Variants in SIGLEC11 observed in about 807,000 individuals in gnomAD.
SIGLEC11 encodes the protein sialic acid binding Ig like lectin 11.
In SIGLEC11, 47 loss-of-function variants were observed where a neutral mutation model predicts 61.2. The ratio of observed to expected loss-of-function variants is 0.77; its 90% CI spans 0.61 to 0.98. The LOEUF (loss-of-function observed/expected upper bound fraction) is 0.98, where lower values mean the gene tolerates loss of function less well. Ranked by LOEUF, SIGLEC11 falls within the 50% of genes least tolerant of loss-of-function variation. SIGLEC11 has a pLI of 0.00. For missense variants in SIGLEC11, 610 were observed against 870.3 expected (o/e 0.70, Z 3.76); for synonymous variants, 278 against 373.1 (o/e 0.75, Z 2.94).
At position 49,955,314 on chromosome 19, in the gene SIGLEC11, C is replaced by CA. The variant is rs71180665; in HGVS notation, c.1652-2921dup. Among the ~76,000 whole-genome samples the CA allele has an allele frequency of 0.13, 13,279 of 102,416 alleles. 960 individuals carry two copies. Among genetic ancestry groups the CA allele is most frequent in the South Asian group, 0.37 (1,414 of 3,844 alleles). The allele number at this position is 102,416 out of a possible 152,430, so 67.2% of individuals were successfully genotyped here. ...CGGGGACTGGCCCCAGAAAAAAAGC[C>CA]AAAAAAAAAAAAAAAAAGAAAGGCA... is the stretch of plus-strand genomic sequence containing the variant. On this transcript the variant is annotated intron_variant, in intron 8 of 10. Transcript: ENST00000447370. This position sits in a 1 kb window ranked among gnomAD's most constrained non-coding sequence, Gnocchi z 4.5.
Position 49,960,774 on chromosome 19 carries a change from G to A in SIGLEC11, c.238C>T (p.Pro80Ser). 1 of 1,613,672 alleles carries A rather than the reference G, an allele frequency of 6.2e-7. No individual in the cohort carries two copies. Among genetic ancestry groups the A allele is most frequent in the Non-Finnish European group, 8.5e-7 (1 of 1,180,020 alleles). Residue 80 changes from proline to serine, a missense_variant, in exon 2 of 11, where the codon CCA becomes TCA. By Grantham distance (74) the Pro-to-Ser change is moderately conservative. Transcript: ENST00000447370. Reference protein sequence around the residue: ...YGYWFKGRTSPKTGAPVATNN... With the variant: ...YGYWFKGRTSSKTGAPVATNN... ...GTGGCCACAGGAGCACCCGTCTTTG[G>A]GCTGGTCCGTCCTTTGAACCAGTAG... is the stretch of plus-strand genomic sequence containing the variant.
chr19:49,953,017 C>T (rs1314424171), intron 8 of SIGLEC11, among the ~76,000 whole-genome samples: 3 of 152,178 alleles, frequency 2.0e-5, no homozygotes, highest in African/African-American at 2.4e-5. Flanking sequence ...TTCTCCGTAT[C>T]GGTCTCACCA....
rs1365757893 is a variant in SIGLEC11 at position 49,958,420 on chromosome 19, A to G, written c.1514T>C (p.Val505Ala). ...CCAGGGCCCGGCTGAGCTGGGGGTG[A>G]CCTCGAAGGAGCCCTGACTGCTGTT... ...EGNSSQGSFE[V>A]TPSSAGPWAN... Residue 505 changes from valine (V) to alanine (A), a missense_variant, in exon 8 of 11, where the codon GTC becomes GCC. This residue lies in a region of SIGLEC11 where 432 missense variants were observed against 441.5 expected (regional missense o/e 0.98). Transcript: ENST00000447370. 1.2e-6 allele frequency: 2 copies of G among 1,613,800 alleles called. No homozygotes were observed. Among genetic ancestry groups the G allele is most frequent in the African/African-American group, 2.7e-5 (2 of 74,920 alleles).
At chr19:49,956,772 A>G (rs1359941665) in intron 8 of SIGLEC11, among the ~76,000 whole-genome samples, 1 of 152,198 alleles carries the variant, frequency 6.6e-6, no homozygotes, top group Admixed American at 6.5e-5. Context: ...GCAGTACTTG[A>G]AATCATCACT....
At chr19:49,959,003 C>G in intron 6 of SIGLEC11, 27 bp downstream of exon 6, 2 of 1,613,712 alleles carry the variant, frequency 1.2e-6, no homozygotes, top group Non-Finnish European at 1.7e-6. Context: ...CACTGAGAGG[C>G]CCTGGCTCCT....
chr19:49,958,834 C>G lies in SIGLEC11; in HGVS notation c.1172G>C (p.Cys391Ser), dbSNP rs766335832. 1 of 1,611,980 alleles carries G rather than the reference C, an allele frequency of 6.2e-7. No homozygotes were observed. The highest frequency in any genetic ancestry group is 1.3e-5 in the African/African-American group (1 of 74,886). ...VLEGQSLRLV[C>S]VTHSSPPARL... is the part of the protein sequence containing the mutation. ...GGCTGGGGGGCTGCTGTGGGTGACA[C>G]AGACCAGGCGCAGGCTTTGGCCCTC... Residue 391 changes from cysteine to serine, a missense_variant, in exon 7 of 11, where the codon TGT becomes TCT. By Grantham distance (112) the Cys-to-Ser change is moderately radical. This residue lies in a region of SIGLEC11 where 432 missense variants were observed against 441.5 expected (regional missense o/e 0.98). Coordinates refer to ENST00000447370, the MANE Select transcript of SIGLEC11 (RefSeq NM_052884.3).
chr19:49,953,021 C>T (rs987951010), intron 8 of SIGLEC11, among the ~76,000 whole-genome samples: 1 of 152,206 alleles, frequency 6.6e-6, no homozygotes, highest in African/African-American at 2.4e-5. Context: ...CCGTATCGGT[C>T]TCACCAGTCC....
chr19:49,960,269 G>C lies in SIGLEC11; in HGVS notation c.613C>G (p.Pro205Ala). 6 of 1,594,712 alleles carry C rather than the reference G, an allele frequency of 3.8e-6. No individual in the cohort carries two copies. Among genetic ancestry groups the C allele is most frequent in the Non-Finnish European group, 5.1e-6 (6 of 1,169,438 alleles). Reference protein sequence around the residue: ...GAALSPRRTRPSTSHFSVLSF... With the variant: ...GAALSPRRTRASTSHFSVLSF... ...AGCACTGAGAAGTGGGAGGTGCTTG[G>C]TCTGGTTCTTCTAGGGGAGAGGGCA... The change falls in exon 3 of 11, where the codon CCA becomes GCA. Residue 205 changes from proline to alanine, a missense_variant. Coordinates refer to ENST00000447370, the MANE Select transcript of SIGLEC11 (RefSeq NM_052884.3).
At chr19:49,956,245 T>C (rs889195938) in intron 8 of SIGLEC11, among the ~76,000 whole-genome samples, 3 of 152,220 alleles carry the variant, frequency 2.0e-5, no homozygotes, top group African/African-American at 7.2e-5. Context: ...TGTTGCTCGC[T>C]GGGGAAAAGT....
At chr19:49,954,508 T>C (rs990889862) in intron 8 of SIGLEC11, among the ~76,000 whole-genome samples, 3 of 152,144 alleles carry the variant, frequency 2.0e-5, no homozygotes, top group Non-Finnish European at 4.4e-5. Context: ...GACCCACTTA[T>C]TGTAATAACC....
chr19:49,957,397 C>A lies in SIGLEC11; in HGVS notation c.1651+886G>T, dbSNP rs201056412. The stretch of plus-strand genomic sequence containing the variant: ...GGCAAGGCAAGGGTTAAAAAAAAAA[C>A]AAAAAAAACCCAAGTCTTTCTATGC... On this transcript the variant is annotated intron_variant, in intron 8 of 10. Transcript: ENST00000447370. 5.4e-5 allele frequency among the ~76,000 whole-genome samples: 8 copies of A among 149,198 alleles called. 1 individual carries two copies. The South Asian group carries it at 1.5e-3, about 28-fold the overall frequency.
chr19:49,959,124 C>A lies in SIGLEC11; in HGVS notation c.1058-47G>T, dbSNP rs1440127712. 1.9e-6 allele frequency: 3 copies of A among 1,608,956 alleles called. No homozygotes were observed. The African/African-American group carries it at 4.0e-5, about 22-fold the overall frequency. Reference sequence around the variant, plus strand: ...GGCTCTAGACAGACCAGGGGCTTCCCTCTGGGTAAAGGGAACTATCCTGGA... The same window carrying A: ...GGCTCTAGACAGACCAGGGGCTTCCATCTGGGTAAAGGGAACTATCCTGGA... On this transcript the variant is annotated intron_variant, in intron 5 of 10. Transcript: ENST00000447370.
Position 49,960,378 on chromosome 19 carries a change from C to G in SIGLEC11, c.504G>C (p.Glu168Asp). 2 of 1,598,516 alleles carry G rather than the reference C, an allele frequency of 1.3e-6. No homozygotes were observed. The highest frequency in any genetic ancestry group is 1.7e-6 in the Non-Finnish European group (2 of 1,178,510). ...KPDVYIPETL[E>D]PGQPVTVICV... ...AGATGACCGTCACCGGCTGCCCGGG[C>G]TCCAGGGTCTCGGGGATGTAGACAT... Residue 168 changes from glutamate to aspartate, a missense_variant, in exon 3 of 11, where the codon GAG (glutamate) becomes GAC (aspartate). This residue lies in a region of SIGLEC11 where 99 missense variants were observed against 131.6 expected (regional missense o/e 0.75). Transcript: ENST00000447370.
chr19:49,956,453 G>A (rs1338233040), intron 8 of SIGLEC11, among the ~76,000 whole-genome samples: 1 of 152,092 alleles, frequency 6.6e-6, no homozygotes, highest in Non-Finnish European at 1.5e-5. Context: ...GTCTTTGTTG[G>A]ATCTGTAGGC....
Position 49,958,784 on chromosome 19 carries a change from G to A in SIGLEC11, c.1222C>T (p.Gln408Ter), listed in dbSNP as rs1255845703. ...GAGGGCTGGGAGGGGCCCACGGTCT[G>A]TCCCCACCGGGTCCAGCTCAGCCTG... ...PARLSWTRWG[Q>*]TVGPSQPSDP... Residue 408 changes from glutamine to a stop codon, truncating the protein, a stop_gained, in exon 7 of 11, where the codon CAG becomes TAG. Transcript: ENST00000447370. LOFTEE classifies it high-confidence loss of function. 1 of 1,613,698 alleles carries A rather than the reference G, an allele frequency of 6.2e-7. No homozygotes were observed.
intron 4 of SIGLEC11, 31 bp from the exon 5 acceptor site, chr19:49,959,654 TGGAGAGAGAGAATGGGTGGGAG>T: frequency 2.5e-5 from 3 of 121,478 alleles, no homozygotes; most frequent in East Asian, 1.3e-4. Context: ...AGGGTGGGGG[TGGAGAGAGAGAATGGGTGGGAG>T]GGGGGGCTGC....
At position 49,952,121 on chromosome 19, in the gene SIGLEC11, G is replaced by T. The variant is rs796351721; in HGVS notation, c.1749-149C>A. On this transcript the variant is annotated intron_variant, in intron 9 of 10. Coordinates refer to ENST00000447370, the MANE Select transcript of SIGLEC11 (RefSeq NM_052884.3). The stretch of plus-strand genomic sequence containing the variant: ...GGGTGACTTCCATAGTGAGAACTGG[G>T]GACCCTCATAGATGGCCCAGATCAG... 1.1e-5 allele frequency: 11 copies of T among 1,018,624 alleles called. No individual in the cohort carries two copies. In the African/African-American group the frequency reaches 1.8e-4, roughly 16 times the overall value. The allele number at this position is 1,018,624 out of a possible 1,614,324, so 63.1% of individuals were successfully genotyped here. A position where few individuals can be genotyped will look rare whatever the true frequency, so the allele number is the denominator to read the frequency against.
rs2076142027 is a variant in SIGLEC11 at position 49,949,231 on chromosome 19, C to T, written c.*739G>A. The T allele has an allele frequency of 6.6e-6, 1 of 151,528 alleles. No homozygotes were observed. The highest frequency in any genetic ancestry group is 1.5e-5 in the Non-Finnish European group (1 of 67,978). The allele number at this position is 151,528 out of a possible 1,614,324, so 9.4% of individuals were successfully genotyped here. The stretch of plus-strand genomic sequence containing the variant: ...CTTGAACTCCTGACTTGTGATCCAC[C>T]CACTTCAGCCTCCCAAAGTGTTGAG... On this transcript the variant is annotated 3_prime_UTR_variant, in exon 11 of 11. Coordinates refer to ENST00000447370, the MANE Select transcript of SIGLEC11 (RefSeq NM_052884.3).
chr19:49,956,327 T>C (rs2076195977), intron 8 of SIGLEC11, among the ~76,000 whole-genome samples: 1 of 152,158 alleles, frequency 6.6e-6, no homozygotes, highest in East Asian at 1.9e-4. Flanking sequence ...AGAAACACTT[T>C]GTGGCGGGGC....
Sources: allele counts gnomAD v4.1 joint callset (sites outside exome capture counted in the v4.1 genomes callset), GRCh38; gene constraint gnomAD v4.1.1; regional missense constraint gnomAD v4.1.1; non-coding constraint Gnocchi (gnomAD v3.1); transcripts MANE v1.5; gene names NCBI Gene and HGNC (gene_info 2026-07-23, HGNC 2026-07-21).